NBR1: variants seen among roughly 807,000 people sequenced by gnomAD.
NBR1 encodes the protein next to BRCA1 gene 1 protein.
In NBR1, 59 loss-of-function variants were observed where a neutral mutation model predicts 115.5. The ratio of observed to expected loss-of-function variants is 0.51; its 90% confidence interval spans 0.41 to 0.63. NBR1 has a LOEUF of 0.63. Ranked by LOEUF, NBR1 falls within the 30% of genes least tolerant of loss-of-function variation. The pLI, the probability that NBR1 is intolerant of heterozygous loss-of-function variation, is 0.00. For missense variants in NBR1, 1,043 were observed against 1,150.5 expected (o/e 0.91, Z 1.35); for synonymous variants, 373 against 414.7 (o/e 0.90, Z 1.22).
intron 10 of NBR1, among the ~76,000 whole-genome samples, 177 bp from the exon 11 acceptor site, chr17:43,192,917 G>A (rs969374473): frequency 6.6e-6 from 1 of 152,074 alleles, no homozygotes; most frequent in Non-Finnish European, 1.5e-5. Flanking sequence ...TTTTAAGTTT[G>A]TCAGAAAATT....
Position 43,200,191 on chromosome 17 carries a change from C to T in NBR1, c.2051C>T (p.Pro684Leu). The T allele has an allele frequency of 1.3e-6, 2 of 1,548,966 alleles. No homozygotes were observed. The highest frequency in any genetic ancestry group is 1.7e-4 in the Middle Eastern group (1 of 5,984). The change falls in exon 17 of 21, where the codon CCA becomes CTA. Residue 684 changes from proline to leucine, a missense_variant. Physicochemically the swap from Pro to Leu is moderately conservative, Grantham distance 98. Coordinates refer to ENST00000590996, the MANE Select transcript of NBR1 (RefSeq NM_005899.5). ...GTGACATTTGCCTTGCCTGAAGGAC[C>T]ACTTGGAAATGAGAAGGAGGAGATT... ...LQMTFALPEG[P>L]LGNEKEEIIH...
chr17:43,198,026 T>G (rs2057108454), intron 16 of NBR1, among the ~76,000 whole-genome samples: 1 of 151,398 alleles, frequency 6.6e-6, no homozygotes, highest in South Asian at 2.1e-4. Flanking sequence ...GGTGGCTACA[T>G]GCCAAGGATT....
chr17:43,174,087 A>G (rs1458770409), intron 1 of NBR1, among the ~76,000 whole-genome samples: 1 of 152,170 alleles, frequency 6.6e-6, no homozygotes, highest in African/African-American at 2.4e-5. Flanking sequence ...TTTTTAAAAA[A>G]TTCTTATCTT....
At chr17:43,182,129 A>G (rs1423252458) in intron 5 of NBR1, among the ~76,000 whole-genome samples, 2 of 148,586 alleles carry the variant, frequency 1.3e-5, no homozygotes, top group African/African-American at 2.5e-5. Context: ...AGCTGGGACT[A>G]TGGGTGTGCA....
Position 43,186,165 on chromosome 17 carries a change from ACT to A in NBR1, c.208-82_208-81del, listed in dbSNP as rs112181085. 1,114 of 1,177,138 alleles carry A rather than the reference ACT, an allele frequency of 9.5e-4. 15 individuals are homozygous for A. The African/African-American group carries it at 0.015, about 16-fold the overall frequency. The allele number at this position is 1,177,138 out of a possible 1,614,324, so 72.9% of individuals were successfully genotyped here. A position where few individuals can be genotyped will look rare whatever the true frequency, so the allele number is the denominator to read the frequency against. On this transcript the variant is annotated intron_variant, in intron 5 of 20. Transcript: ENST00000590996. The stretch of plus-strand genomic sequence containing the variant: ...AGTATTTTCTAGCATAACTTACCAC[ACT>A]CTTCTGTTTTGATGTCTTTGAAATG...
At chr17:43,190,579 A>G (rs2056919873) in intron 8 of NBR1, 30 bp from the exon 9 acceptor site, 6 of 1,554,176 alleles carry the variant, frequency 3.9e-6, no homozygotes, top group Non-Finnish European at 5.2e-6. Context: ...CTATTCTGCC[A>G]TTGTGTATTG....
chr17:43,200,322 T>C lies in NBR1; in HGVS notation c.2182T>C (p.Ser728Pro). 1 of 1,552,522 alleles carries C rather than the reference T, an allele frequency of 6.4e-7. No homozygotes were observed. The highest frequency in any genetic ancestry group is 8.7e-7 in the Non-Finnish European group (1 of 1,147,396). ...TGAAGTTCAAAGTCAGTCCTCTGCT[T>C]CCTCAGAGGATTACATCATCATCCT... ...KDEVQSQSSA[S>P]SEDYIIILPE... The change falls in exon 17 of 21, where the codon TCC becomes CCC. Residue 728 changes from serine (S) to proline (P), a missense_variant. Ser to Pro is a moderately conservative substitution (Grantham distance 74). Transcript: ENST00000590996.
chr17:43,192,197 T>G (rs1408005408), intron 10 of NBR1, among the ~76,000 whole-genome samples: 1 of 151,008 alleles, frequency 6.6e-6, no homozygotes, highest in Admixed American at 6.6e-5. Context: ...ATTTTTGTAT[T>G]TTTTCAGTAG....
intron 3 of NBR1, among the ~76,000 whole-genome samples, chr17:43,178,557 A>G (rs1273715475): frequency 6.6e-6 from 1 of 150,896 alleles, no homozygotes; most frequent in African/African-American, 2.4e-5. Context: ...TTGTATTTTT[A>G]GTAGAGACGG....
At chr17:43,180,260 C>T (rs1378951650) in intron 4 of NBR1, among the ~76,000 whole-genome samples, 1 of 152,108 alleles carries the variant, frequency 6.6e-6, no homozygotes, top group Non-Finnish European at 1.5e-5. Flanking sequence ...CTTACACAAA[C>T]CTAGATGGTA....
intron 20 of NBR1, among the ~76,000 whole-genome samples, chr17:43,205,897 A>AAAG (rs1567869131): frequency 6.7e-6 from 1 of 149,318 alleles, no homozygotes; most frequent in South Asian, 2.1e-4. Context: ...AAAAAAAAAA[A>AAAG]GGCTGGGTGT....
intron 1 of NBR1, among the ~76,000 whole-genome samples, chr17:43,175,020 A>G (rs1460461767): frequency 1.3e-5 from 2 of 151,936 alleles, no homozygotes; most frequent in Non-Finnish European, 2.9e-5. Flanking sequence ...AATGGCGTGA[A>G]CCCAGGAGGT....
chr17:43,192,966 G>GTAT, intron 10 of NBR1, 128 bp from the exon 11 acceptor site: 1 of 818,532 alleles, frequency 1.2e-6, no homozygotes, highest in Non-Finnish European at 1.9e-6. Context: ...AGTAATATCA[G>GTAT]TATTATTTTT....
intron 2 of NBR1, among the ~76,000 whole-genome samples, chr17:43,177,163 C>T (rs1234570165): frequency 6.6e-6 from 1 of 151,142 alleles, no homozygotes; most frequent in African/African-American, 2.4e-5. Context: ...GTTCCAGCTA[C>T]TCCGGAGGTT....
chr17:43,187,839 T>C (rs1406609433), intron 6 of NBR1, among the ~76,000 whole-genome samples: 2 of 151,216 alleles, frequency 1.3e-5, no homozygotes, highest in African/African-American at 4.9e-5. Flanking sequence ...ATTGCCATTC[T>C]AACTGGTGTG....
intron 5 of NBR1, among the ~76,000 whole-genome samples, chr17:43,181,209 A>G (rs1381930684): frequency 6.6e-6 from 1 of 152,184 alleles, no homozygotes; most frequent in Non-Finnish European, 1.5e-5. Context: ...CCTGAATTCC[A>G]TTAGTTATGG....
At position 43,196,511 on chromosome 17, in the gene NBR1, A is replaced by T. The variant is rs781645413; in HGVS notation, c.1781A>T (p.His594Leu). 21 of 1,598,138 alleles carry T rather than the reference A, an allele frequency of 1.3e-5. No homozygotes were observed. The highest frequency in any genetic ancestry group is 1.8e-5 in the Non-Finnish European group (21 of 1,175,000). ...DVTPCMSPLP[H>L]DSPLIEKPGL... ...ACTCCCTGCATGTCTCCTCTGCCAC[A>T]TGACAGTCCTTTAATAGAGAAGCCA... Residue 594 changes from histidine to leucine, a missense_variant, in exon 15 of 21, where the codon CAT becomes CTT. Coordinates refer to ENST00000590996, the MANE Select transcript of NBR1 (RefSeq NM_005899.5).
intron 5 of NBR1, among the ~76,000 whole-genome samples, chr17:43,181,597 C>T (rs1035725700): frequency 7.2e-5 from 11 of 152,032 alleles, no homozygotes; most frequent in South Asian, 2.1e-4. Flanking sequence ...ACCCCGGAGG[C>T]GGAGCTTGCA....
intron 19 of NBR1, 92 bp downstream of exon 19, chr17:43,202,804 C>A: frequency 1.0e-6 from 1 of 990,988 alleles, no homozygotes; most frequent in African/African-American, 1.6e-5. Flanking sequence ...ATGTACCCAT[C>A]TTCAGAGAGC....
Sources: gnomAD v4.1 joint callset for allele counts (sites outside exome capture counted in the v4.1 genomes callset) on GRCh38, gnomAD v4.1.1 for gene constraint, MANE v1.5 for transcripts, NCBI Gene and HGNC (gene_info 2026-07-23, HGNC 2026-07-21) for gene names.